The following MACROD2 variants were observed in gnomAD, a reference collection of about 807,000 sequenced individuals.
The protein encoded by MACROD2 is ADP-ribose glycohydrolase MACROD2.
MACROD2 carries 36 observed loss-of-function variants against 70.4 expected under a neutral mutation model. The observed-to-expected ratio is 0.51, with a 90% confidence interval of 0.39 to 0.68. The LOEUF is 0.68. MACROD2 is among the 30% of genes least tolerant of loss of function. MACROD2 has a pLI of 0.00. For missense variants in MACROD2, 496 were observed against 538.4 expected (o/e 0.92, Z 0.78); for synonymous variants, 172 against 178.8 (o/e 0.96, Z 0.30).
chr20:14,539,113 G>A (rs1296484959), intron 4 of MACROD2, among the ~76,000 whole-genome samples: 3 of 152,098 alleles, frequency 2.0e-5, no homozygotes. Context: ...ACAAAATTTG[G>A]CAACAGTAGA....
At chr20:14,886,993 AAATGTTC>A (rs2073685292) in intron 5 of MACROD2, among the ~76,000 whole-genome samples, 1 of 152,204 alleles carries the variant, frequency 6.6e-6, no homozygotes, top group East Asian at 1.9e-4. Context: ...CTCTGAAAAT[AAATGTTC>A]ATAGTGAATG....
At chr20:15,314,789 A>T (rs564823933) in intron 6 of MACROD2, among the ~76,000 whole-genome samples, 1 of 152,318 alleles carries the variant, frequency 6.6e-6, no homozygotes, top group Non-Finnish European at 1.5e-5. Flanking sequence ...TGGGAGGAAA[A>T]ACTGGAAAGA....
chr20:15,082,964 A>G (rs1223174463), intron 5 of MACROD2, among the ~76,000 whole-genome samples: 3 of 152,210 alleles, frequency 2.0e-5, no homozygotes, highest in Admixed American at 2.0e-4. Flanking sequence ...CAATTGTGGC[A>G]TAAGCCTGAA....
At chr20:15,942,546 G>T (rs73900838) in intron 12 of MACROD2, among the ~76,000 whole-genome samples, 72 of 152,250 alleles carry the variant, frequency 4.7e-4, no homozygotes, top group African/African-American at 1.6e-3. Flanking sequence ...TTTAATGGTA[G>T]TTTGCACTTT....
chr20:14,780,973 T>G (rs185376345), intron 5 of MACROD2, among the ~76,000 whole-genome samples: 1 of 152,176 alleles, frequency 6.6e-6, no homozygotes, highest in Non-Finnish European at 1.5e-5. Flanking sequence ...TTTTGATACA[T>G]GTATATATTG....
intron 2 of MACROD2, among the ~76,000 whole-genome samples, chr20:14,073,401 T>C (rs1012160358): frequency 1.3e-4 from 20 of 152,114 alleles, no homozygotes; most frequent in African/African-American, 4.8e-4. Flanking sequence ...CATTTAACTT[T>C]GGTTGAAAGG....
At chr20:15,226,372 A>G (rs1450721272) in intron 5 of MACROD2, among the ~76,000 whole-genome samples, 1 of 152,144 alleles carries the variant, frequency 6.6e-6, no homozygotes, top group Non-Finnish European at 1.5e-5. Context: ...CCATTTCTTG[A>G]GCCTTCCTAT....
chr20:15,591,384 C>T (rs775996625), intron 8 of MACROD2, among the ~76,000 whole-genome samples: 1 of 151,962 alleles, frequency 6.6e-6, no homozygotes, highest in Non-Finnish European at 1.5e-5. Context: ...ACAGGTATTC[C>T]CTCTGCTCAA....
intron 6 of MACROD2, among the ~76,000 whole-genome samples, chr20:15,345,822 G>C (rs949709617): frequency 6.6e-6 from 1 of 152,188 alleles, no homozygotes; most frequent in Non-Finnish European, 1.5e-5. Flanking sequence ...TTGAAAAGTT[G>C]CTGCTCAGAA....
At chr20:16,000,551 A>G (rs1464918081) in intron 15 of MACROD2, among the ~76,000 whole-genome samples, 1 of 152,134 alleles carries the variant, frequency 6.6e-6, no homozygotes, top group Non-Finnish European at 1.5e-5. Flanking sequence ...GGTCAGTCTC[A>G]TTTTGTTTGG....
At chr20:14,382,811 C>A (rs2083436433) in intron 3 of MACROD2, among the ~76,000 whole-genome samples, 1 of 152,118 alleles carries the variant, frequency 6.6e-6, no homozygotes, top group Non-Finnish European at 1.5e-5. Flanking sequence ...TCTTGAACCA[C>A]CTTCAGAACT....
At chr20:15,503,818 G>A (rs934764348) in intron 8 of MACROD2, among the ~76,000 whole-genome samples, 10 of 152,274 alleles carry the variant, frequency 6.6e-5, no homozygotes, top group African/African-American at 1.9e-4. Context: ...ATTTTCTGAA[G>A]CTCTTAGCTG....
At chr20:15,242,951 A>G (rs1331774226) in intron 6 of MACROD2, among the ~76,000 whole-genome samples, 1 of 152,204 alleles carries the variant, frequency 6.6e-6, no homozygotes, top group African/African-American at 2.4e-5. Flanking sequence ...AAGTCACGTG[A>G]TGATGCAATG....
chr20:16,028,384 C>CCTT (rs2067108543), intron 15 of MACROD2, among the ~76,000 whole-genome samples: 1 of 70,014 alleles, frequency 1.4e-5, no homozygotes, highest in Non-Finnish European at 3.3e-5. Context: ...ACCTGGTGGA[C>CCTT]ATTTTTTTTT....
At chr20:14,488,878 G>C (rs1028587705) in intron 3 of MACROD2, among the ~76,000 whole-genome samples, 3 of 152,150 alleles carry the variant, frequency 2.0e-5, no homozygotes, top group African/African-American at 7.2e-5. Flanking sequence ...AGGCAAACCA[G>C]GACCAGCTGT....
At position 14,621,403 on chromosome 20, in the gene MACROD2, G is replaced by GATCT. The variant is rs1484113840; in HGVS notation, c.302-63439_302-63436dup. Reference sequence around the variant, plus strand: ...CTAGGGTAATCATCATTATGAAGAGGATCTCTTCAAGATAAAAAAGATAGG... The same window carrying GATCT: ...CTAGGGTAATCATCATTATGAAGAGGATCTATCTCTTCAAGATAAAAAAGATAGG... On this transcript the variant is annotated intron_variant, in intron 4 of 17. Coordinates refer to ENST00000684519, the MANE Select transcript of MACROD2 (RefSeq NM_001351661.2). 6.6e-5 allele frequency among the ~76,000 whole-genome samples: 10 copies of GATCT among 151,896 alleles called. 1 individual carries two copies. The highest frequency in any genetic ancestry group is 1.5e-5 in the Non-Finnish European group (1 of 67,954).
At chr20:14,573,546 A>G (rs966989144) in intron 4 of MACROD2, among the ~76,000 whole-genome samples, 8 of 151,564 alleles carry the variant, frequency 5.3e-5, no homozygotes, top group Middle Eastern at 3.2e-3. Flanking sequence ...TTATGGATAA[A>G]GGGTAGGATT....
chr20:15,678,073 A>T (rs999908254), intron 8 of MACROD2, among the ~76,000 whole-genome samples: 1 of 150,410 alleles, frequency 6.6e-6, no homozygotes, highest in African/African-American at 2.5e-5. Context: ...GAAAAAAAAA[A>T]TGTATTTCAA....
chr20:14,030,211 T>A (rs2053229360), intron 2 of MACROD2, among the ~76,000 whole-genome samples: 1 of 152,056 alleles, frequency 6.6e-6, no homozygotes, highest in Admixed American at 6.5e-5. Context: ...GCTATTTTTT[T>A]ATTTTTTGTA....
Sources: allele counts gnomAD v4.1 joint callset (sites outside exome capture counted in the v4.1 genomes callset), GRCh38; gene constraint gnomAD v4.1.1; transcripts MANE v1.5; gene names NCBI Gene and HGNC (gene_info 2026-07-23, HGNC 2026-07-21).